The following COL22A1 variants were observed in gnomAD, a reference collection of about 807,000 sequenced individuals.
COL22A1 encodes the protein collagen alpha-1(XXII) chain.
COL22A1 carries 221 observed loss-of-function variants against 248.9 expected under a neutral mutation model. The ratio of observed to expected loss-of-function variants is 0.89; its 90% CI spans 0.80 to 0.99. The LOEUF (loss-of-function observed/expected upper bound fraction) is 0.99, where lower values mean the gene tolerates loss of function less well. COL22A1 is among the 50% of genes least tolerant of loss of function. The pLI, the probability that COL22A1 is intolerant of heterozygous loss-of-function variation, is 0.00. For missense variants in COL22A1, 2,240 were observed against 2,179.0 expected (o/e 1.03, Z -0.56); for synonymous variants, 891 against 793.4 (o/e 1.12, Z -2.07).
Position 138,877,775 on chromosome 8 carries a change from G to T in COL22A1, c.633C>A (p.Gly211=). 1 of 1,598,546 alleles carries T rather than the reference G, an allele frequency of 6.3e-7. No homozygotes were observed. Among genetic ancestry groups the T allele is most frequent in the Non-Finnish European group, 8.5e-7 (1 of 1,171,778 alleles). ...SDFNAIDKIR[G]KLRRRLCENV... ...TTTCACAAAGACGGCGCCGCAGCTT[G>T]CCCCGGATCTTGTCGATGGCATTGA... The change falls in exon 3 of 65, where the codon GGC becomes GGA. Residue 211 remains glycine, a synonymous_variant. Transcript: ENST00000303045.
intron 40 of COL22A1, among the ~76,000 whole-genome samples, chr8:138,678,150 A>G (rs1825705780): frequency 6.6e-6 from 1 of 152,170 alleles, no homozygotes; most frequent in African/African-American, 2.4e-5. Flanking sequence ...ATTCACTGCA[A>G]ACCATATTCT....
At position 138,783,886 on chromosome 8, in the gene COL22A1, G is replaced by A. The variant is rs185701203; in HGVS notation, c.1597-2906C>T. Among the ~76,000 whole-genome samples, 166 of 152,290 alleles carry A rather than the reference G, an allele frequency of 1.1e-3. No individual in the cohort carries two copies. The South Asian group carries it at 0.015, about 14-fold the overall frequency. On this transcript the variant is annotated intron_variant, in intron 12 of 64. Transcript: ENST00000303045. The stretch of plus-strand genomic sequence containing the variant: ...GCCCTTGTTGATGATTCTCCATGAG[G>A]CCCTGGCCTACCAGACCCTTTTCAA...
chr8:138,796,794 A>C, intron 12 of COL22A1, 25 bp downstream of exon 12: 1 of 1,516,346 alleles, frequency 6.6e-7, no homozygotes, highest in Non-Finnish European at 9.2e-7. Context: ...CCCTTGGAGG[A>C]GTGTGATAAA....
At chr8:138,639,270 C>T (rs7002362) in intron 47 of COL22A1, among the ~76,000 whole-genome samples, 2,741 of 152,292 alleles carry the variant, frequency 0.018, 73 homozygotes, top group African/African-American at 0.062. Context: ...GGAATCTAAT[C>T]CAGATCCATT....
At chr8:138,733,240 A>G (rs1159612957) in intron 23 of COL22A1, among the ~76,000 whole-genome samples, 1 of 152,114 alleles carries the variant, frequency 6.6e-6, no homozygotes, top group Non-Finnish European at 1.5e-5. Flanking sequence ...CAGATTTCCA[A>G]TTTTCCTAAA....
At chr8:138,740,663 T>C (rs1831484292) in intron 22 of COL22A1, among the ~76,000 whole-genome samples, 1 of 151,840 alleles carries the variant, frequency 6.6e-6, no homozygotes, top group Admixed American at 6.6e-5. Flanking sequence ...AAGAGAGAAA[T>C]GCAAAGAAAC....
intron 15 of COL22A1, among the ~76,000 whole-genome samples, chr8:138,776,761 A>G (rs779710545): frequency 6.6e-6 from 1 of 152,082 alleles, no homozygotes; most frequent in Admixed American, 6.5e-5. Context: ...TTCCTTCAAT[A>G]TGGTATCCCC....
intron 7 of COL22A1, 88 bp downstream of exon 7, chr8:138,821,048 G>A: frequency 7.1e-7 from 1 of 1,399,766 alleles, no homozygotes; most frequent in Non-Finnish European, 9.9e-7. Flanking sequence ...GGTTCATGCA[G>A]GTGTGGAGAA....
At chr8:138,684,118 G>A (rs192112474) in intron 39 of COL22A1, among the ~76,000 whole-genome samples, 14 of 152,092 alleles carry the variant, frequency 9.2e-5, no homozygotes, top group Admixed American at 7.9e-4. Flanking sequence ...AACAAAATTA[G>A]TCGGGCATGG....
At chr8:138,783,258 T>C (rs1815194664) in intron 12 of COL22A1, among the ~76,000 whole-genome samples, 1 of 151,964 alleles carries the variant, frequency 6.6e-6, no homozygotes, top group African/African-American at 2.4e-5. Flanking sequence ...ACAATCACGG[T>C]GTATTAGGGT....
chr8:138,684,595 G>T, intron 38 of COL22A1, 126 bp from the exon 39 acceptor site: 3 of 724,968 alleles, frequency 4.1e-6, no homozygotes, highest in South Asian at 3.1e-5. Context: ...ACTATGACCT[G>T]ACTTGCACAA....
chr8:138,752,933 G>A (rs542590467), intron 21 of COL22A1, among the ~76,000 whole-genome samples: 2 of 152,336 alleles, frequency 1.3e-5, no homozygotes, highest in Admixed American at 1.3e-4. Flanking sequence ...TCAGCATTGG[G>A]CTCAGTCAGG....
intron 57 of COL22A1, among the ~76,000 whole-genome samples, chr8:138,606,872 G>A (rs1818467758): frequency 1.3e-5 from 2 of 152,108 alleles, no homozygotes; most frequent in South Asian, 4.1e-4. Context: ...CTTTTCTGGG[G>A]AGCCATCATG....
intron 30 of COL22A1, among the ~76,000 whole-genome samples, chr8:138,708,513 C>T (rs532265355): frequency 2.0e-5 from 3 of 152,296 alleles, no homozygotes; most frequent in Non-Finnish European, 4.4e-5. Flanking sequence ...CTTTGACAAA[C>T]ATGACAAAAA....
chr8:138,863,303 G>A (rs900250594), intron 3 of COL22A1, among the ~76,000 whole-genome samples: 4 of 152,132 alleles, frequency 2.6e-5, no homozygotes, highest in Admixed American at 1.3e-4. Context: ...TGCACAGGCC[G>A]GTTGTTTTTT....
intron 54 of COL22A1, among the ~76,000 whole-genome samples, chr8:138,616,466 G>C (rs924883946): frequency 6.6e-6 from 1 of 152,188 alleles, no homozygotes; most frequent in Non-Finnish European, 1.5e-5. Context: ...TTCAGAGGAG[G>C]CAGAGGAGTT....
At chr8:138,645,548 C>T (rs2130497609) in intron 47 of COL22A1, among the ~76,000 whole-genome samples, 1 of 152,324 alleles carries the variant, frequency 6.6e-6, no homozygotes, top group East Asian at 1.9e-4. Context: ...CACACTTTGT[C>T]ATTCTTCAGT....
chr8:138,616,436 T>C (rs142472315), intron 54 of COL22A1, among the ~76,000 whole-genome samples: 1 of 152,192 alleles, frequency 6.6e-6, no homozygotes, highest in Non-Finnish European at 1.5e-5. Context: ...TGACCCATAA[T>C]GTCACTTCCA....
At chr8:138,648,277 T>A (rs1305451846) in intron 46 of COL22A1, among the ~76,000 whole-genome samples, 3 of 152,172 alleles carry the variant, frequency 2.0e-5, no homozygotes, top group African/African-American at 4.8e-5. Flanking sequence ...TCGAGGACTG[T>A]GGCATGCCCA....
Sources: allele counts gnomAD v4.1 joint callset (sites outside exome capture counted in the v4.1 genomes callset), GRCh38; gene constraint gnomAD v4.1.1; transcripts MANE v1.5; gene names NCBI Gene and HGNC (gene_info 2026-07-23, HGNC 2026-07-21).